DHX36: variants seen among roughly 807,000 people sequenced by gnomAD.
The protein encoded by DHX36 is DEAH-box helicase 36.
A neutral mutation model predicts 139.0 loss-of-function variants in DHX36; 50 were observed. The ratio of observed to expected loss-of-function variants is 0.36; its 90% CI spans 0.29 to 0.46. The LOEUF (loss-of-function observed/expected upper bound fraction) is 0.46. Among genes scored for constraint, DHX36 ranks in the 20% least tolerant of loss-of-function variants. DHX36 has a pLI of 1.00. For missense variants in DHX36, 1,024 were observed against 1,211.3 expected (o/e 0.85, Z 2.29); for synonymous variants, 425 against 401.9 (o/e 1.06, Z -0.69).
intron 1 of DHX36, among the ~76,000 whole-genome samples, chr3:154,322,792 G>A (rs904434057): frequency 6.6e-6 from 1 of 152,084 alleles, no homozygotes; most frequent in Non-Finnish European, 1.5e-5. Flanking sequence ...CAAGTCCCTG[G>A]AGCAATATGC....
At chr3:154,290,779 T>A (rs967859853) in intron 15 of DHX36, among the ~76,000 whole-genome samples, 1 of 152,056 alleles carries the variant, frequency 6.6e-6, no homozygotes, top group Non-Finnish European at 1.5e-5. Flanking sequence ...TGAGTCTACA[T>A]AGACCCACTG....
intron 1 of DHX36, among the ~76,000 whole-genome samples, chr3:154,321,739 A>T (rs1713192517): frequency 6.6e-6 from 1 of 152,146 alleles, no homozygotes; most frequent in African/African-American, 2.4e-5. Context: ...CTGGTGGATC[A>T]CCTGAGGTCA....
intron 19 of DHX36, 85 bp downstream of exon 19, chr3:154,284,498 A>G (rs1030943706): frequency 8.0e-7 from 1 of 1,247,706 alleles, no homozygotes; most frequent in Admixed American, 2.7e-5. Context: ...AGAGATTTCA[A>G]AAGGTTAAAT....
intron 19 of DHX36, 81 bp from the exon 20 acceptor site, chr3:154,283,352 A>AG: frequency 2.1e-6 from 2 of 942,998 alleles, no homozygotes; most frequent in Non-Finnish European, 3.4e-6. Flanking sequence ...ACTTTAGTAA[A>AG]AGCTTAATAT....
intron 22 of DHX36, 149 bp downstream of exon 22, chr3:154,280,430 G>C: frequency 1.6e-6 from 1 of 618,792 alleles, no homozygotes; most frequent in Non-Finnish European, 2.8e-6. Context: ...TGGCTAAACA[G>C]TTCACCTTCT....
chr3:154,277,239 T>C (rs969318891), intron 23 of DHX36, among the ~76,000 whole-genome samples: 9 of 152,132 alleles, frequency 5.9e-5, no homozygotes, highest in East Asian at 3.8e-4. Context: ...AAAATATAAA[T>C]AAACAGAATC....
chr3:154,292,790 CAATA>C (rs1711878293), intron 14 of DHX36, 96 bp from the exon 15 acceptor site: 10 of 1,481,746 alleles, frequency 6.7e-6, no homozygotes, highest in Non-Finnish European at 8.9e-6. Context: ...TATAAAAGAC[CAATA>C]AATAGGTATT....
rs1009746896 is a variant in DHX36 at position 154,274,513 on chromosome 3, A to C, written c.*1658T>G. 1 of 152,328 alleles carries C rather than the reference A, an allele frequency of 6.6e-6. No homozygotes were observed. Among genetic ancestry groups the C allele is most frequent in the Non-Finnish European group, 1.5e-5 (1 of 68,124 alleles). 9.4% of individuals were successfully genotyped at this position (152,328 alleles called of 1,614,324 possible). On this transcript the variant is annotated 3_prime_UTR_variant, in exon 25 of 25. Coordinates refer to ENST00000496811, the MANE Select transcript of DHX36 (RefSeq NM_020865.3). ...TCTATCTTTCCACTGAGCTAACCTC[A>C]GTCTGAGTCCGTGTCTCCTTGTGAT...
intron 1 of DHX36, among the ~76,000 whole-genome samples, chr3:154,322,484 G>A (rs355770): frequency 0.91 from 137,956 of 152,262 alleles, 62,733 homozygotes; most frequent in East Asian, 1. Flanking sequence ...TATTCTGGAG[G>A]TAAGTGGTTA....
chr3:154,320,617 T>C (rs561734488), intron 1 of DHX36, among the ~76,000 whole-genome samples: 1 of 152,342 alleles, frequency 6.6e-6, no homozygotes, highest in African/African-American at 2.4e-5. Flanking sequence ...AAACTCATAG[T>C]GTCCATAGCT....
chr3:154,300,340 T>C (rs1283695855), intron 11 of DHX36, among the ~76,000 whole-genome samples: 3 of 152,206 alleles, frequency 2.0e-5, no homozygotes, highest in African/African-American at 7.2e-5. Flanking sequence ...AGTGCTGGGA[T>C]TACAGGCATG....
Position 154,324,446 on chromosome 3 carries a change from C to T in DHX36, c.-30G>A, listed in dbSNP as rs995291218. 1.4e-6 allele frequency: 2 copies of T among 1,452,684 alleles called. No homozygotes were observed. The highest frequency in any genetic ancestry group is 2.6e-5 in the Admixed American group (1 of 37,914). The allele number at this position is 1,452,684 out of a possible 1,614,324, so 90.0% of individuals were successfully genotyped here. A position where few individuals can be genotyped will look rare whatever the true frequency, so the allele number is the denominator to read the frequency against. ...CTGGCAGACTACAACCCGTCAGAAC[C>T]AGCAACCGCTGGAAATGGCGTCCGG... On this transcript the variant is annotated 5_prime_UTR_variant, in exon 1 of 25. Transcript: ENST00000496811.
intron 15 of DHX36, 83 bp from the exon 16 acceptor site, chr3:154,289,909 G>A: frequency 2.6e-6 from 2 of 757,008 alleles, no homozygotes; most frequent in South Asian, 3.6e-5. Flanking sequence ...ATACTAGGCA[G>A]GGAAGTAGCC....
At chr3:154,316,802 G>GAA (rs752514618) in intron 1 of DHX36, among the ~76,000 whole-genome samples, 1 of 133,258 alleles carries the variant, frequency 7.5e-6, no homozygotes. Flanking sequence ...TGTCCAAGGT[G>GAA]AAAAAAAAAA....
chr3:154,277,976 T>C, intron 22 of DHX36: 2 of 270,352 alleles, frequency 7.4e-6, no homozygotes, highest in South Asian at 1.8e-4. Context: ...CTAATCTTCT[T>C]CTTGCAGGTA....
At chr3:154,278,367 T>A (rs750213692) in intron 22 of DHX36, 2 of 152,166 alleles carry the variant, frequency 1.3e-5, no homozygotes, top group Non-Finnish European at 2.9e-5. Flanking sequence ...GGGAGATGTT[T>A]AATAATTTAT....
At chr3:154,287,866 C>G (rs139609554) in intron 17 of DHX36, among the ~76,000 whole-genome samples, 1 of 152,116 alleles carries the variant, frequency 6.6e-6, no homozygotes, top group Non-Finnish European at 1.5e-5. Context: ...CTGAAAACTT[C>G]AATGACAGTC....
Position 154,315,190 on chromosome 3 carries a change from T to C in DHX36, c.459A>G (p.Lys153=). The C allele has an allele frequency of 1.9e-6, 3 of 1,613,390 alleles. No individual in the cohort carries two copies. Among genetic ancestry groups the C allele is most frequent in the Non-Finnish European group, 2.5e-6 (3 of 1,179,624 alleles). Reference sequence around the variant, plus strand: ...ATGATCTGTTCCTGATTCTAAACATTTTTTTTTCTTGATTTATCAACTTCT... The same window carrying C: ...ATGATCTGTTCCTGATTCTAAACATCTTTTTTTCTTGATTTATCAACTTCT... ...QEKKLINQEK[K]MFRIRNRSYI... is the part of the protein sequence containing the mutation. The change falls in exon 3 of 25, where the codon AAA becomes AAG. Residue 153 remains lysine (K), a synonymous_variant. Coordinates refer to ENST00000496811, the MANE Select transcript of DHX36 (RefSeq NM_020865.3).
At chr3:154,281,749 ACTTT>A (rs1719342066) in intron 20 of DHX36, among the ~76,000 whole-genome samples, 1 of 152,030 alleles carries the variant, frequency 6.6e-6, no homozygotes, top group Non-Finnish European at 1.5e-5. Context: ...CTGACACCTG[ACTTT>A]CTTAGACACC....
Sources: gnomAD v4.1 joint callset for allele counts (sites outside exome capture counted in the v4.1 genomes callset) on GRCh38, gnomAD v4.1.1 for gene constraint, MANE v1.5 for transcripts, NCBI Gene and HGNC (gene_info 2026-07-23, HGNC 2026-07-21) for gene names.